Variants in GPBP1L1 observed in about 807,000 individuals in gnomAD.
GPBP1L1 encodes vasculin-like protein 1.
A neutral mutation model predicts 52.5 loss-of-function variants in GPBP1L1; 23 were observed. That is an observed-to-expected ratio of 0.44 (90% CI 0.32 to 0.62). The LOEUF is 0.62. Among genes scored for constraint, GPBP1L1 ranks in the 20% least tolerant of loss-of-function variants. The pLI is 0.06. For missense variants in GPBP1L1, 596 were observed against 579.3 expected, an observed-to-expected ratio of 1.03 and a Z score of -0.30; for synonymous variants, 243 against 203.1, an observed-to-expected ratio of 1.20 and a Z score of -1.67.
chr1:45,650,380 AG>A (rs1644805563), intron 6 of GPBP1L1, among the ~76,000 whole-genome samples: 1 of 152,198 alleles, frequency 6.6e-6, no homozygotes, highest in Non-Finnish European at 1.5e-5. Flanking sequence ...ACTTAGTAAC[AG>A]CTACCATTTA....
chr1:45,645,867 T>C, intron 6 of GPBP1L1: 1 of 511,610 alleles, frequency 2.0e-6, no homozygotes, highest in South Asian at 1.5e-5. Context: ...GTCTTGCTTC[T>C]TCATGGTCCA....
At chr1:45,634,389 TC>T in intron 8 of GPBP1L1, 153 bp from the exon 9 acceptor site, 1 of 687,058 alleles carries the variant, frequency 1.5e-6, no homozygotes, top group Non-Finnish European at 2.2e-6. Flanking sequence ...GCAACCTCTT[TC>T]GGAGGTTAGG....
chr1:45,642,266 G>T (rs1644684001), intron 7 of GPBP1L1, among the ~76,000 whole-genome samples, 161 bp downstream of exon 7: 1 of 152,098 alleles, frequency 6.6e-6, no homozygotes, highest in African/African-American at 2.4e-5. Context: ...TTGGGCGGTG[G>T]GGTAGGGGGC....
chr1:45,652,557 AGTC>A (rs1644831419), intron 6 of GPBP1L1, among the ~76,000 whole-genome samples: 1 of 152,212 alleles, frequency 6.6e-6, no homozygotes, highest in East Asian at 1.9e-4. Flanking sequence ...CAAATAAATT[AGTC>A]TTCTATATGC....
rs562764985 is a variant in GPBP1L1, at chr1:45,675,179, C to T, written c.-1098+10397G>A. On this transcript the variant is annotated intron_variant, in intron 2 of 12. Coordinates refer to ENST00000355105, the MANE Select transcript of GPBP1L1 (RefSeq NM_021639.5). ...GGGCGTGGAGGTGCATGCCTGTAGT[C>T]CCAGCTACTTGGGAGGCTGAGGCAG... Among the ~76,000 whole-genome samples the T allele has an allele frequency of 4.4e-4, 67 of 152,184 alleles. 1 individual carries two copies. The highest frequency in any genetic ancestry group is 8.7e-4 in the Non-Finnish European group (59 of 67,998).
At chr1:45,665,423 T>C (rs975685340) in intron 2 of GPBP1L1, among the ~76,000 whole-genome samples, 1 of 151,834 alleles carries the variant, frequency 6.6e-6, no homozygotes, top group Non-Finnish European at 1.5e-5. Context: ...ACATTTAAAG[T>C]TTGGGAATAG....
Position 45,628,237 on chromosome 1 carries a change from A to T in GPBP1L1, c.*19T>A, listed in dbSNP as rs1644482909. 13 of 1,612,390 alleles carry T rather than the reference A, an allele frequency of 8.1e-6. No homozygotes were observed. The highest frequency in any genetic ancestry group is 1.1e-5 in the Non-Finnish European group (13 of 1,178,916). On this transcript the variant is annotated 3_prime_UTR_variant, in exon 13 of 13. Coordinates refer to ENST00000355105, the MANE Select transcript of GPBP1L1 (RefSeq NM_021639.5). The stretch of plus-strand genomic sequence containing the variant: ...CACAGAGTTTACTGGGTCAGATTTA[A>T]CTGTGAGCATTTATATGCCTACTTC...
In GPBP1L1 at chr1:45,664,664, AG is replaced by A. The variant is rs1644988633; in HGVS notation, c.-1097-3440del. Among the ~76,000 whole-genome samples, 3 of 139,790 alleles carry A rather than the reference AG, an allele frequency of 2.1e-5. No homozygotes were observed. The South Asian group carries it at 7.3e-4, about 34-fold the overall frequency. 91.7% of individuals were successfully genotyped at this position (139,790 alleles called of 152,430 possible). ...AAATGCCTGAGCTCAAGCATCTCAC[AG>A]TTTTTTTGTTTTGTTTTGTTTTGTT... On this transcript the variant is annotated intron_variant, in intron 2 of 12. Coordinates refer to ENST00000355105, the MANE Select transcript of GPBP1L1 (RefSeq NM_021639.5).
chr1:45,658,888 G>A, intron 4 of GPBP1L1, 140 bp downstream of exon 4: 4 of 660,256 alleles, frequency 6.1e-6, no homozygotes, highest in Non-Finnish European at 1.1e-5. Context: ...GCTGCAGTAA[G>A]CTGTGATCAC....
intron 2 of GPBP1L1, among the ~76,000 whole-genome samples, chr1:45,665,117 C>CCGT (rs1644994324): frequency 6.6e-6 from 1 of 151,816 alleles, no homozygotes; most frequent in African/African-American, 2.4e-5. Context: ...GGTGAAACCC[C>CCGT]CGTCTCTACT....
chr1:45,671,428 T>G (rs957935916), intron 2 of GPBP1L1, among the ~76,000 whole-genome samples: 3 of 151,972 alleles, frequency 2.0e-5, no homozygotes, highest in Non-Finnish European at 4.4e-5. Context: ...CAAGCTGGTC[T>G]TGAACTCCTG....
At chr1:45,663,905 T>A (rs1644976943) in intron 2 of GPBP1L1, among the ~76,000 whole-genome samples, 1 of 152,210 alleles carries the variant, frequency 6.6e-6, no homozygotes, top group African/African-American at 2.4e-5. Context: ...TTCTGCTTAT[T>A]ACTAAAAAAT....
At chr1:45,637,316 T>C (rs1253597118) in intron 8 of GPBP1L1, among the ~76,000 whole-genome samples, 1 of 152,196 alleles carries the variant, frequency 6.6e-6, no homozygotes. Flanking sequence ...TTCCTCCCTC[T>C]AACATCTCAT....
intron 8 of GPBP1L1, chr1:45,635,163 A>C (rs1644578339): frequency 6.6e-6 from 1 of 152,218 alleles, no homozygotes; most frequent in Non-Finnish European, 1.5e-5. Flanking sequence ...CAGGAATAAT[A>C]ATTGTTACGC....
intron 6 of GPBP1L1, among the ~76,000 whole-genome samples, chr1:45,653,361 T>C (rs1644841777): frequency 6.6e-6 from 1 of 152,060 alleles, no homozygotes; most frequent in Admixed American, 6.6e-5. Flanking sequence ...TAGTGATAGC[T>C]AGTCTGTATA....
chr1:45,680,082 C>A (rs1645194230), intron 2 of GPBP1L1, among the ~76,000 whole-genome samples: 2 of 151,918 alleles, frequency 1.3e-5, no homozygotes, highest in African/African-American at 4.8e-5. Context: ...CCTGTCTCTA[C>A]AAAATAAATA....
chr1:45,646,445 G>C (rs924678040), intron 6 of GPBP1L1, among the ~76,000 whole-genome samples: 1 of 151,878 alleles, frequency 6.6e-6, no homozygotes, highest in South Asian at 2.1e-4. Context: ...TTCTTTTTTT[G>C]TTCAAGTCTA....
chr1:45,631,962 T>C (rs1644536558), intron 10 of GPBP1L1, among the ~76,000 whole-genome samples: 1 of 152,130 alleles, frequency 6.6e-6, no homozygotes. Context: ...AGCTCATGCC[T>C]GTAATCCCAG....
intron 6 of GPBP1L1, among the ~76,000 whole-genome samples, chr1:45,648,901 A>T (rs1438737411): frequency 6.6e-6 from 1 of 152,162 alleles, no homozygotes; most frequent in East Asian, 1.9e-4. Context: ...AGGGGTGCGC[A>T]TGCCTGTAAT....
Sources: gnomAD v4.1 joint callset for allele counts (sites outside exome capture counted in the v4.1 genomes callset) on GRCh38, gnomAD v4.1.1 for gene constraint, MANE v1.5 for transcripts, NCBI Gene and HGNC (gene_info 2026-07-23, HGNC 2026-07-21) for gene names.